AFF1: variants seen among roughly 807,000 people sequenced by gnomAD.
The protein encoded by AFF1 is AF4/FMR2 family member 1.
Under a neutral mutation model 121.7 loss-of-function variants are expected in AFF1, and 48 were observed. The ratio of observed to expected loss-of-function variants is 0.39; its 90% CI spans 0.31 to 0.50. AFF1 has a LOEUF of 0.50. Among genes scored for constraint, AFF1 ranks in the 20% least tolerant of loss-of-function variants. The pLI, the probability that AFF1 is intolerant of heterozygous loss-of-function variation, is 0.76. For missense variants in AFF1, 1,523 were observed against 1,511.7 expected, an observed-to-expected ratio of 1.01 and a Z score of -0.12; for synonymous variants, 613 against 563.0, an observed-to-expected ratio of 1.09 and a Z score of -1.26.
intron 2 of AFF1, among the ~76,000 whole-genome samples, chr4:87,011,947 A>T (rs1048990703): frequency 2.0e-5 from 3 of 152,234 alleles, no homozygotes; most frequent in Non-Finnish European, 4.4e-5. Flanking sequence ...AAGATATTCC[A>T]TAGCTGGATT....
chr4:86,950,783 G>A (rs1721249558), intron 2 of AFF1, among the ~76,000 whole-genome samples: 1 of 152,208 alleles, frequency 6.6e-6, no homozygotes, highest in African/African-American at 2.4e-5. Context: ...GAGCCTGGGG[G>A]AAAGCTGTTG....
intron 2 of AFF1, chr4:87,006,874 C>T: frequency 1.2e-6 from 1 of 830,496 alleles, no homozygotes; most frequent in Non-Finnish European, 1.5e-6. Context: ...TTGCCGCCTG[C>T]CTTTGGCTAG....
intron 1 of AFF1, among the ~76,000 whole-genome samples, chr4:86,938,225 G>A (rs1488002599): frequency 3.9e-5 from 6 of 152,182 alleles, no homozygotes; most frequent in African/African-American, 7.2e-5. Flanking sequence ...TGAGGCGAGC[G>A]GATCACTTGA....
chr4:87,108,205 A>G lies in AFF1; in HGVS notation c.1423A>G (p.Ser475Gly). 6.2e-7 allele frequency: 1 copy of G among 1,614,178 alleles called. No individual in the cohort carries two copies. The highest frequency in any genetic ancestry group is 2.2e-5 in the East Asian group (1 of 44,890). ...ACCAGTGGCATCAGCACATTCCAGC[A>G]GTGCAGAGTCAGAAAGCACCAGTGA... ...PEPVASAHSS[S>G]AESESTSDSD... is the part of the protein sequence containing the mutation. Residue 475 changes from serine (S) to glycine (G), a missense_variant, in exon 11 of 21, where the codon AGT becomes GGT. By Grantham distance (56) the Ser-to-Gly change is moderately conservative (BLOSUM62 0). Coordinates refer to ENST00000395146, the MANE Select transcript of AFF1 (RefSeq NM_001166693.3).
intron 12 of AFF1, among the ~76,000 whole-genome samples, chr4:87,123,041 G>A (rs556319427): frequency 2.0e-5 from 3 of 151,988 alleles, no homozygotes; most frequent in Non-Finnish European, 4.4e-5. Context: ...CTACAGGCAC[G>A]CACCACCACA....
chr4:86,968,589 G>A (rs1162748608), intron 2 of AFF1, among the ~76,000 whole-genome samples: 1 of 152,240 alleles, frequency 6.6e-6, no homozygotes, highest in Non-Finnish European at 1.5e-5. Flanking sequence ...CACTGAAGGA[G>A]TATGGGAAAT....
chr4:87,010,714 C>CT (rs1402976779), intron 2 of AFF1, among the ~76,000 whole-genome samples: 1 of 152,150 alleles, frequency 6.6e-6, no homozygotes, highest in Admixed American at 6.5e-5. Context: ...TCCGCTAACC[C>CT]TCTCATTGAA....
Position 87,134,466 on chromosome 4 carries a change from C to T in AFF1, c.3312-5C>T. 1 of 1,586,970 alleles carries T rather than the reference C, an allele frequency of 6.3e-7. No individual in the cohort carries two copies. The highest frequency in any genetic ancestry group is 2.2e-5 in the East Asian group (1 of 44,714). The stretch of plus-strand genomic sequence containing the variant: ...ATCAGTTATCTCTTCTCTTCCACCT[C>T]CCAGAAGCACAGGCACACCATCCCC... On this transcript the variant is annotated splice_region_variant and splice_polypyrimidine_tract_variant and intron_variant, in intron 19 of 20. Transcript: ENST00000395146.
At chr4:87,057,537 T>G (rs1447991360) in intron 4 of AFF1, among the ~76,000 whole-genome samples, 2 of 151,906 alleles carry the variant, frequency 1.3e-5, no homozygotes, top group African/African-American at 4.9e-5. Context: ...ATGAGTTCCA[T>G]ACTCCTACTA....
chr4:87,099,898 A>G (rs1259748195), intron 8 of AFF1, among the ~76,000 whole-genome samples: 1 of 152,212 alleles, frequency 6.6e-6, no homozygotes, highest in Non-Finnish European at 1.5e-5. Context: ...AAGGTCTCCC[A>G]GAGAGGGTGA....
intron 1 of AFF1, chr4:86,936,292 C>CA (rs1719987398): frequency 6.6e-6 from 1 of 152,222 alleles, no homozygotes; most frequent in Non-Finnish European, 1.5e-5. Flanking sequence ...ACGGGGAAAT[C>CA]AGACTGATTT....
rs1416697424 is a variant in AFF1 at position 87,036,444 on chromosome 4, T to C, written c.39-9722T>C. ...GGTTTGTGTAATTGTTCTATATACG[T>C]GCTGGCCTTGCTCACTCAGTACTAG... On this transcript the variant is annotated intron_variant, in intron 2 of 20. Transcript: ENST00000395146. Among the ~76,000 whole-genome samples, 4 of 152,184 alleles carry C rather than the reference T, an allele frequency of 2.6e-5. No homozygotes were observed. The East Asian group carries it at 7.7e-4, about 29-fold the overall frequency.
chr4:87,041,521 C>G (rs909271620), intron 2 of AFF1, among the ~76,000 whole-genome samples: 1 of 152,286 alleles, frequency 6.6e-6, no homozygotes, highest in South Asian at 2.1e-4. Flanking sequence ...AGCTAACTGA[C>G]TCAGGTTTGA....
At position 87,089,983 on chromosome 4, in the gene AFF1, G is replaced by A; in HGVS notation, c.1105-1G>A. ...TCTTCCCTTTCCAAATATCTTTCCA[G>A]GAAATGACCCATTCATGGCCGCCTC... On this transcript the variant is annotated splice_acceptor_variant, in intron 5 of 20. Coordinates refer to ENST00000395146, the MANE Select transcript of AFF1 (RefSeq NM_001166693.3). LOFTEE classifies it high-confidence loss of function. 1.9e-6 allele frequency: 3 copies of A among 1,612,438 alleles called. No homozygotes were observed. The highest frequency in any genetic ancestry group is 2.5e-6 in the Non-Finnish European group (3 of 1,178,928).
intron 2 of AFF1, among the ~76,000 whole-genome samples, chr4:87,012,290 G>T (rs1726857339): frequency 6.8e-6 from 1 of 146,704 alleles, no homozygotes. Flanking sequence ...TGGCCAGGCT[G>T]GTCTCGAACT....
intron 2 of AFF1, among the ~76,000 whole-genome samples, chr4:86,959,013 TAG>T (rs2149464726): frequency 6.6e-6 from 1 of 152,330 alleles, no homozygotes; most frequent in South Asian, 2.1e-4. Flanking sequence ...TGACAATGTC[TAG>T]AGAGATTTTT....
At chr4:87,128,068 A>T (rs913862139) in intron 16 of AFF1, among the ~76,000 whole-genome samples, 1 of 152,184 alleles carries the variant, frequency 6.6e-6, no homozygotes, top group Non-Finnish European at 1.5e-5. Flanking sequence ...TTTTTATTCC[A>T]CTGCATCAAT....
chr4:86,967,420 G>C (rs1722611526), intron 2 of AFF1, among the ~76,000 whole-genome samples: 1 of 152,182 alleles, frequency 6.6e-6, no homozygotes, highest in South Asian at 2.1e-4. Context: ...GTGATCTGGT[G>C]AGCCATGCTA....
At chr4:87,057,534 C>A (rs1720276193) in intron 4 of AFF1, among the ~76,000 whole-genome samples, 1 of 151,844 alleles carries the variant, frequency 6.6e-6, no homozygotes. Context: ...AGTATGAGTT[C>A]CATACTCCTA....
Sources: gnomAD v4.1 joint callset for allele counts (sites outside exome capture counted in the v4.1 genomes callset) on GRCh38, gnomAD v4.1.1 for gene constraint, MANE v1.5 for transcripts, NCBI Gene and HGNC (gene_info 2026-07-23, HGNC 2026-07-21) for gene names.